TAFA4: variants seen among roughly 807,000 people sequenced by gnomAD.
TAFA4 encodes the protein TAFA chemokine like family member 4, also known as chemokine-like protein TAFA-4.
A neutral mutation model predicts 21.1 loss-of-function variants in TAFA4; 20 were observed. That is an observed-to-expected ratio of 0.95 (90% CI 0.67 to 1.38). The LOEUF is 1.38. Ranked by LOEUF, TAFA4 falls within the 40% of genes most tolerant of loss-of-function variation. TAFA4 has a pLI of 0.00. For synonymous variants in TAFA4, 71 were observed against 67.4 expected (o/e 1.05, Z -0.26); for missense variants, 211 against 180.9 (o/e 1.17, Z -0.95).
intron 3 of TAFA4, among the ~76,000 whole-genome samples, chr3:68,758,837 T>C (rs549290385): frequency 6.6e-6 from 1 of 152,278 alleles, no homozygotes; most frequent in South Asian, 2.1e-4. Context: ...TGTTATAACA[T>C]TGTATTAGTT....
At chr3:68,864,662 TATG>T (rs1288288117) in intron 3 of TAFA4, among the ~76,000 whole-genome samples, 1 of 152,188 alleles carries the variant, frequency 6.6e-6, no homozygotes, top group East Asian at 1.9e-4. Context: ...CAGCTGTATT[TATG>T]ATAGCCAAAG....
chr3:68,753,254 C>A (rs1004939481), intron 3 of TAFA4, among the ~76,000 whole-genome samples: 8 of 151,956 alleles, frequency 5.3e-5, no homozygotes, highest in Non-Finnish European at 1.0e-4. Context: ...GGATCCTCAA[C>A]CCCTGGGGTC....
intron 3 of TAFA4, among the ~76,000 whole-genome samples, chr3:68,799,570 G>A (rs1703528922): frequency 1.3e-5 from 2 of 152,184 alleles, no homozygotes; most frequent in Non-Finnish European, 2.9e-5. Flanking sequence ...AAATGGGGAA[G>A]CTATCCCTGG....
intron 3 of TAFA4, among the ~76,000 whole-genome samples, chr3:68,759,991 T>C (rs1243942896): frequency 4.6e-5 from 7 of 152,184 alleles, no homozygotes; most frequent in Non-Finnish European, 2.9e-5. Context: ...ACATATTTTT[T>C]AAGTGGGGAA....
At chr3:68,740,789 T>C (rs1702334274) in intron 4 of TAFA4, among the ~76,000 whole-genome samples, 1 of 152,176 alleles carries the variant, frequency 6.6e-6, no homozygotes, top group Admixed American at 6.5e-5. Flanking sequence ...ACTTCACAGA[T>C]TACATTTACA....
chr3:68,906,656 T>C (rs994148883), intron 1 of TAFA4, among the ~76,000 whole-genome samples: 2 of 152,124 alleles, frequency 1.3e-5, no homozygotes, highest in Non-Finnish European at 2.9e-5. Flanking sequence ...GAGTGGACTT[T>C]CCAAGGCGCT....
chr3:68,835,441 A>G (rs1049618511), intron 3 of TAFA4, among the ~76,000 whole-genome samples: 3 of 152,258 alleles, frequency 2.0e-5, no homozygotes, highest in Non-Finnish European at 4.4e-5. Flanking sequence ...TGAACGACGT[A>G]GAAGTATATG....
chr3:68,930,295 G>C (rs17322), intron 1 of TAFA4, among the ~76,000 whole-genome samples: 21 of 152,216 alleles, frequency 1.4e-4, no homozygotes, highest in Non-Finnish European at 2.4e-4. Context: ...TAATCAAGCA[G>C]AGATATTTGT....
Position 68,796,912 on chromosome 3 carries a change from C to T in TAFA4, c.131-43894G>A, listed in dbSNP as rs578223988. Among the ~76,000 whole-genome samples the T allele has an allele frequency of 3.0e-4, 45 of 152,206 alleles. 1 individual carries two copies. In the Middle Eastern group the frequency reaches 0.01, roughly 35 times the overall value. On this transcript the variant is annotated intron_variant, in intron 3 of 5. Coordinates refer to ENST00000295569, the MANE Select transcript of TAFA4 (RefSeq NM_182522.5). Reference sequence around the variant, plus strand: ...AACATCACTAATCACAAGGGAAATGCAAGGCAATACCACAAACAAAAACCT... The same window carrying T: ...AACATCACTAATCACAAGGGAAATGTAAGGCAATACCACAAACAAAAACCT...
At chr3:68,880,184 A>T (rs996103056) in intron 3 of TAFA4, among the ~76,000 whole-genome samples, 1 of 152,114 alleles carries the variant, frequency 6.6e-6, no homozygotes, top group Non-Finnish European at 1.5e-5. Flanking sequence ...CTGCCTCTAA[A>T]TCTTTAGACA....
chr3:68,799,600 T>A (rs996785762), intron 3 of TAFA4, among the ~76,000 whole-genome samples: 2 of 152,134 alleles, frequency 1.3e-5, no homozygotes, highest in African/African-American at 4.8e-5. Context: ...TGGTCCCAAT[T>A]TAATCCCATA....
chr3:68,849,844 A>C (rs755249129), intron 3 of TAFA4, among the ~76,000 whole-genome samples: 7 of 152,202 alleles, frequency 4.6e-5, no homozygotes, highest in Non-Finnish European at 7.3e-5. Flanking sequence ...ATTCAACTTC[A>C]ACAGCCCTCA....
At chr3:68,834,188 A>G (rs1704467311) in intron 3 of TAFA4, among the ~76,000 whole-genome samples, 1 of 152,208 alleles carries the variant, frequency 6.6e-6, no homozygotes, top group South Asian at 2.1e-4. Flanking sequence ...TGCCTACTTA[A>G]GCAGAGGCTA....
intron 3 of TAFA4, among the ~76,000 whole-genome samples, chr3:68,759,532 C>T (rs570265521): frequency 6.6e-6 from 1 of 152,046 alleles, no homozygotes; most frequent in Non-Finnish European, 1.5e-5. Flanking sequence ...AAGCCTGGTA[C>T]CAGAGAGTGG....
intron 5 of TAFA4, among the ~76,000 whole-genome samples, chr3:68,736,865 G>A (rs139788673): frequency 6.6e-6 from 1 of 152,124 alleles, no homozygotes; most frequent in East Asian, 1.9e-4. Flanking sequence ...ATTCTCAAGT[G>A]ACATATCACT....
At position 68,736,680 on chromosome 3, in the gene TAFA4, G is replaced by A. The variant is rs139080479; in HGVS notation, c.411+2395C>T. ...TTTCTAGGACCTCTGTCTTACCTGTGGTGTAAGGTCAGTAACAATTTTAAG... is the reference window on the plus strand; with the variant it reads ...TTTCTAGGACCTCTGTCTTACCTGTAGTGTAAGGTCAGTAACAATTTTAAG... On this transcript the variant is annotated intron_variant, in intron 5 of 5. Coordinates refer to ENST00000295569, the MANE Select transcript of TAFA4 (RefSeq NM_182522.5). Among the ~76,000 whole-genome samples the A allele has an allele frequency of 4.2e-3, 632 of 152,102 alleles. 5 individuals carry two copies. The highest frequency in any genetic ancestry group is 0.015 in the African/African-American group (607 of 41,498).
chr3:68,755,327 T>C (rs1042969470), intron 3 of TAFA4, among the ~76,000 whole-genome samples: 39 of 152,198 alleles, frequency 2.6e-4, no homozygotes, highest in Non-Finnish European at 1.0e-4. Context: ...CAAAGAAACT[T>C]TACTGGAAGA....
chr3:68,757,267 C>T (rs761362440), intron 3 of TAFA4, among the ~76,000 whole-genome samples: 6 of 152,152 alleles, frequency 3.9e-5, no homozygotes, highest in Non-Finnish European at 8.8e-5. Context: ...ACAGAACAAA[C>T]TCTGGTGTCT....
At chr3:68,875,639 A>G (rs2106943344) in intron 3 of TAFA4, among the ~76,000 whole-genome samples, 1 of 152,312 alleles carries the variant, frequency 6.6e-6, no homozygotes, top group Non-Finnish European at 1.5e-5. Context: ...AAATGGTATC[A>G]TCAGGTTTCA....
Sources: allele counts gnomAD v4.1 joint callset (sites outside exome capture counted in the v4.1 genomes callset), GRCh38; gene constraint gnomAD v4.1.1; transcripts MANE v1.5; gene names NCBI Gene and HGNC (gene_info 2026-07-23, HGNC 2026-07-21).